The following CSMD1 variants were observed in gnomAD, a reference collection of about 807,000 sequenced individuals.
The protein encoded by CSMD1 is CUB and sushi domain-containing protein 1.
In CSMD1, 213 loss-of-function variants were observed where a neutral mutation model predicts 417.5. That is an observed-to-expected ratio of 0.51 (90% CI 0.46 to 0.57). The LOEUF is 0.57. Ranked by LOEUF, CSMD1 falls within the 20% of genes least tolerant of loss-of-function variation. The probability of loss-of-function intolerance (pLI) is 0.00; values close to 1 mark genes in which losing one functional copy is unlikely to be tolerated. For missense variants in CSMD1, 6,923 were observed against 4,529.7 expected, an observed-to-expected ratio of 1.53 and a Z score of -15.17; for synonymous variants, 2,862 against 1,736.8, an observed-to-expected ratio of 1.65 and a Z score of -16.11.
intron 7 of CSMD1, among the ~76,000 whole-genome samples, chr8:3,635,356 C>G (rs1563219211): frequency 1.3e-5 from 2 of 152,072 alleles, no homozygotes; most frequent in Admixed American, 6.5e-5. Flanking sequence ...CACCTGTAAT[C>G]CCAGCTACTC....
In CSMD1 at chr8:3,377,999, G is replaced by A. The variant is rs547623025; in HGVS notation, c.2783-8629C>T. On this transcript the variant is annotated intron_variant, in intron 18 of 69. Transcript: ENST00000635120. ...GTCATGGCCTGGAGCAATTCCAGAG[G>A]AATGCTCATCAAGGCTGAGTGTGAC... Among the ~76,000 whole-genome samples the A allele has an allele frequency of 5.9e-5, 9 of 152,306 alleles. 1 individual carries two copies. In the South Asian group the frequency reaches 1.2e-3, roughly 21 times the overall value.
At chr8:3,788,850 G>A (rs188354667) in intron 5 of CSMD1, among the ~76,000 whole-genome samples, 2 of 152,178 alleles carry the variant, frequency 1.3e-5, no homozygotes, top group African/African-American at 2.4e-5. Flanking sequence ...ACATTCTGGG[G>A]TAGAAATTAT....
intron 6 of CSMD1, among the ~76,000 whole-genome samples, chr8:3,708,960 G>A (rs1429521475): frequency 6.6e-6 from 1 of 152,154 alleles, no homozygotes; most frequent in Non-Finnish European, 1.5e-5. Flanking sequence ...GCGAATCTGT[G>A]TGGGTGGGGA....
chr8:3,402,386 C>T (rs73493457), intron 15 of CSMD1, among the ~76,000 whole-genome samples: 1 of 152,092 alleles, frequency 6.6e-6, no homozygotes, highest in African/African-American at 2.4e-5. Flanking sequence ...TTTGCTGCCA[C>T]AGAGTTGGTG....
intron 31 of CSMD1, among the ~76,000 whole-genome samples, chr8:3,204,993 G>T (rs1797172373): frequency 6.6e-6 from 1 of 152,184 alleles, no homozygotes; most frequent in African/African-American, 2.4e-5. Context: ...ATGTTTAGGA[G>T]GGAAACAGGA....
intron 1 of CSMD1, among the ~76,000 whole-genome samples, chr8:4,732,856 C>T (rs556333922): frequency 6.6e-6 from 1 of 152,178 alleles, no homozygotes; most frequent in East Asian, 1.9e-4. Context: ...GACATCCACA[C>T]TCATTCATTT....
chr8:3,268,269 G>A (rs1032813216), intron 26 of CSMD1, among the ~76,000 whole-genome samples: 3 of 148,202 alleles, frequency 2.0e-5, no homozygotes, highest in East Asian at 4.0e-4. Context: ...ATCAGGGTGT[G>A]GTCAGATGGT....
intron 12 of CSMD1, among the ~76,000 whole-genome samples, chr8:3,432,815 A>G (rs528414079): frequency 3.9e-5 from 6 of 152,158 alleles, no homozygotes; most frequent in Admixed American, 3.9e-4. Flanking sequence ...CACATGGCCA[A>G]CATGGGCTTA....
At chr8:4,286,051 T>C (rs1055705889) in intron 3 of CSMD1, among the ~76,000 whole-genome samples, 1 of 152,200 alleles carries the variant, frequency 6.6e-6, no homozygotes, top group African/African-American at 2.4e-5. Context: ...AATTTGTAGT[T>C]ACATCCCTAA....
chr8:4,765,408 C>G (rs1388521357), intron 1 of CSMD1, among the ~76,000 whole-genome samples: 4 of 152,296 alleles, frequency 2.6e-5, no homozygotes, highest in Non-Finnish European at 5.9e-5. Context: ...GGATTATAGT[C>G]TTTCAAGATA....
chr8:4,909,277 G>C (rs1317106392), intron 1 of CSMD1, among the ~76,000 whole-genome samples: 1 of 152,000 alleles, frequency 6.6e-6, no homozygotes, highest in Non-Finnish European at 1.5e-5. Flanking sequence ...GTGATCCTGT[G>C]TTTCAGGGCT....
intron 26 of CSMD1, among the ~76,000 whole-genome samples, chr8:3,241,503 T>G (rs1231874430): frequency 1.3e-5 from 2 of 152,118 alleles, no homozygotes; most frequent in Admixed American, 1.3e-4. Flanking sequence ...CGAGAAGATC[T>G]GGGAAGGAGT....
At chr8:4,459,087 T>A (rs766741605) in intron 2 of CSMD1, among the ~76,000 whole-genome samples, 3 of 152,174 alleles carry the variant, frequency 2.0e-5, no homozygotes, top group African/African-American at 7.2e-5. Flanking sequence ...TACCTGCAGA[T>A]TCCAGCCAGG....
intron 1 of CSMD1, among the ~76,000 whole-genome samples, chr8:4,939,318 G>C (rs1807826666): frequency 6.6e-6 from 1 of 152,164 alleles, no homozygotes; most frequent in Non-Finnish European, 1.5e-5. Flanking sequence ...CAAAGGAGAA[G>C]TCCATATGTC....
chr8:4,193,755 G>C (rs757232156), intron 3 of CSMD1, among the ~76,000 whole-genome samples: 1 of 152,072 alleles, frequency 6.6e-6, no homozygotes, highest in Non-Finnish European at 1.5e-5. Context: ...AAGTGATTTT[G>C]GCTGGCAAGT....
intron 12 of CSMD1, among the ~76,000 whole-genome samples, chr8:3,459,925 G>T (rs1401052323): frequency 6.6e-6 from 1 of 152,176 alleles, no homozygotes; most frequent in Non-Finnish European, 1.5e-5. Flanking sequence ...AATGGCCCAT[G>T]ATAATGCTAC....
At chr8:4,461,696 A>G (rs1452847083) in intron 2 of CSMD1, among the ~76,000 whole-genome samples, 1 of 151,154 alleles carries the variant, frequency 6.6e-6, no homozygotes, top group Non-Finnish European at 1.5e-5. Flanking sequence ...GGCCATGGGC[A>G]AACACCACCA....
intron 1 of CSMD1, among the ~76,000 whole-genome samples, chr8:4,831,553 A>G (rs1262972275): frequency 6.6e-6 from 1 of 152,108 alleles, no homozygotes; most frequent in Non-Finnish European, 1.5e-5. Context: ...TGTGTCTCCA[A>G]GGGTTTAAGG....
intron 5 of CSMD1, among the ~76,000 whole-genome samples, chr8:3,877,954 G>A (rs892404887): frequency 4.0e-5 from 6 of 151,726 alleles, no homozygotes; most frequent in Admixed American, 3.3e-4. Flanking sequence ...CTACATCAAG[G>A]TCATGCAAAG....
Sources: gnomAD v4.1 joint callset for allele counts (sites outside exome capture counted in the v4.1 genomes callset) on GRCh38, gnomAD v4.1.1 for gene constraint, MANE v1.5 for transcripts, NCBI Gene and HGNC (gene_info 2026-07-23, HGNC 2026-07-21) for gene names.